The following GTF3C3 variants were observed in gnomAD, a reference collection of about 807,000 sequenced individuals.
GTF3C3 encodes the protein general transcription factor 3C polypeptide 3.
Under a neutral mutation model 105.2 loss-of-function variants are expected in GTF3C3, and 75 were observed. The observed-to-expected ratio is 0.71, with a 90% CI of 0.59 to 0.86. GTF3C3 has a LOEUF of 0.86. Ranked by LOEUF, GTF3C3 falls within the 40% of genes least tolerant of loss-of-function variation. The probability of loss-of-function intolerance (pLI) is 0.00; values close to 1 mark genes in which losing one functional copy is unlikely to be tolerated. For synonymous variants in GTF3C3, 335 were observed against 370.4 expected (o/e 0.90, Z 1.10); for missense variants, 856 against 1,076.5 (o/e 0.80, Z 2.87).
chr2:196,779,216 T>C, intron 9 of GTF3C3, 149 bp from the exon 10 acceptor site: 2 of 633,210 alleles, frequency 3.2e-6, no homozygotes, highest in Non-Finnish European at 5.5e-6. Context: ...CAACCTCTGC[T>C]TGCTGGGTTC....
chr2:196,769,774 T>C (rs1576016693), intron 16 of GTF3C3, 141 bp downstream of exon 16: 2 of 627,196 alleles, frequency 3.2e-6, no homozygotes, highest in Non-Finnish European at 5.5e-6. Flanking sequence ...TGCTGAACAC[T>C]GGGGTAAGTG....
At chr2:196,792,846 A>G in intron 3 of GTF3C3, 110 bp downstream of exon 3, 1 of 696,566 alleles carries the variant, frequency 1.4e-6, no homozygotes, top group Non-Finnish European at 2.5e-6. Flanking sequence ...GTTGTGTCAT[A>G]GTATTTCCTT....
chr2:196,764,540 G>A lies in GTF3C3; in HGVS notation c.*23C>T. 1 of 1,606,650 alleles carries A rather than the reference G, an allele frequency of 6.2e-7. No individual in the cohort carries two copies. Among genetic ancestry groups the A allele is most frequent in the African/African-American group, 1.3e-5 (1 of 74,900 alleles). Reference sequence around the variant, plus strand: ...TGGTCCTCACACAGCAGCTGCCATTGCTCTGTTCTCAGTTGCGGTGCTTTA... The same window carrying A: ...TGGTCCTCACACAGCAGCTGCCATTACTCTGTTCTCAGTTGCGGTGCTTTA... On this transcript the variant is annotated 3_prime_UTR_variant, in exon 18 of 18. Coordinates refer to ENST00000263956, the MANE Select transcript of GTF3C3 (RefSeq NM_012086.5).
At chr2:196,765,893 C>T (rs1699056067) in intron 17 of GTF3C3, among the ~76,000 whole-genome samples, 2 of 151,140 alleles carry the variant, frequency 1.3e-5, no homozygotes, top group African/African-American at 4.9e-5. Flanking sequence ...ACCTGTAGTC[C>T]CAGCTACTCA....
intron 17 of GTF3C3, among the ~76,000 whole-genome samples, chr2:196,765,127 A>AAAAC (rs1699038921): frequency 6.6e-6 from 1 of 152,220 alleles, no homozygotes; most frequent in South Asian, 2.1e-4. Flanking sequence ...AGCCAATGGG[A>AAAAC]AAACAATTCC....
chr2:196,767,537 A>G (rs1559296607), intron 16 of GTF3C3, among the ~76,000 whole-genome samples: 1 of 152,236 alleles, frequency 6.6e-6, no homozygotes, highest in South Asian at 2.1e-4. Context: ...AGTGGTCACA[A>G]ATTTTCCTTT....
intron 2 of GTF3C3, among the ~76,000 whole-genome samples, chr2:196,793,895 A>G (rs1699594754): frequency 6.6e-6 from 1 of 152,206 alleles, no homozygotes; most frequent in South Asian, 2.1e-4. Context: ...TGAAGTGCAG[A>G]AGCCAATTTT....
intron 2 of GTF3C3, among the ~76,000 whole-genome samples, chr2:196,797,205 A>AG (rs1699661935): frequency 6.6e-6 from 1 of 152,236 alleles, no homozygotes; most frequent in Admixed American, 6.5e-5. Flanking sequence ...AAAGGGTATC[A>AG]ATCACTGAAC....
chr2:196,769,972 G>A lies in GTF3C3; in HGVS notation c.2328C>T (p.Thr776=), dbSNP rs1245953889. 7.5e-6 allele frequency: 12 copies of A among 1,603,014 alleles called. No homozygotes were observed. Among genetic ancestry groups the A allele is most frequent in the Non-Finnish European group, 9.4e-6 (11 of 1,174,968 alleles). The change falls in exon 16 of 18, where the codon ACC becomes ACT. Residue 776 remains threonine, a synonymous_variant. Transcript: ENST00000263956. ...ACTTCTGAGATGCCATATGAATAAA[G>A]GTTAGGCCTATACAGAAGCTATAGA... ...EPLYSFCIGL[T]FIHMASQKYV...
intron 9 of GTF3C3, 128 bp from the exon 10 acceptor site, chr2:196,779,195 T>C (rs1175689979): frequency 4.3e-6 from 3 of 694,102 alleles, no homozygotes; most frequent in Admixed American, 2.7e-5. Context: ...TGGCACAATC[T>C]TGGCTCACTG....
At position 196,792,940 on chromosome 2, in the gene GTF3C3, A is replaced by G. The variant is rs777136133; in HGVS notation, c.411+16T>C. On this transcript the variant is annotated intron_variant, in intron 3 of 17. Transcript: ENST00000263956. Reference sequence around the variant, plus strand: ...TTCTTCATTGTTTATAAATACCAAAATAAGTAAAAATTTACTTTCATCATT... The same window carrying G: ...TTCTTCATTGTTTATAAATACCAAAGTAAGTAAAAATTTACTTTCATCATT... 16 of 1,558,732 alleles carry G rather than the reference A, an allele frequency of 1.0e-5. No individual in the cohort carries two copies. In the South Asian group the frequency reaches 1.7e-4, roughly 16 times the overall value.
intron 15 of GTF3C3, 135 bp from the exon 16 acceptor site, chr2:196,770,174 C>T (rs923612508): frequency 4.8e-6 from 3 of 623,764 alleles, no homozygotes; most frequent in African/African-American, 3.8e-5. Context: ...AACCAGAGAC[C>T]TATTAATTTG....
chr2:196,789,854 GAA>G (rs367760289), intron 5 of GTF3C3, 23 bp downstream of exon 5: 693 of 1,044,620 alleles, frequency 6.6e-4, no homozygotes, highest in South Asian at 1.2e-3. Context: ...TTGTAAAAGT[GAA>G]AAAAAAAAAA....
chr2:196,768,617 T>C (rs372190932), intron 16 of GTF3C3, among the ~76,000 whole-genome samples: 3 of 152,124 alleles, frequency 2.0e-5, no homozygotes, highest in South Asian at 4.1e-4. Flanking sequence ...CTATTTACAA[T>C]AAAACCTGCT....
rs749476325 is a variant in GTF3C3, at chr2:196,772,875, CTATTAA to C, written c.2069+35_2069+40del. ...CTAAATCAAAGTACATGTACTTACT[CTATTAA>C]AGAATCTAATTAAAATAAATAACTG... On this transcript the variant is annotated intron_variant, in intron 14 of 17. Coordinates refer to ENST00000263956, the MANE Select transcript of GTF3C3 (RefSeq NM_012086.5). The C allele has an allele frequency of 3.0e-5, 30 of 1,003,962 alleles. No homozygotes were observed. The East Asian group carries it at 7.2e-4, about 24-fold the overall frequency. 62.2% of individuals were successfully genotyped at this position (1,003,962 alleles called of 1,614,324 possible).
chr2:196,789,505 A>AGATT, intron 5 of GTF3C3, 136 bp from the exon 6 acceptor site: 1 of 608,712 alleles, frequency 1.6e-6, no homozygotes, highest in Non-Finnish European at 2.8e-6. Flanking sequence ...GAATAAATCT[A>AGATT]TATTCACAGG....
At chr2:196,785,372 A>G in intron 7 of GTF3C3, 69 bp downstream of exon 7, 3 of 1,323,618 alleles carry the variant, frequency 2.3e-6, no homozygotes, top group Non-Finnish European at 2.1e-6. Flanking sequence ...AGAACTGCCA[A>G]TTTTTAAGAA....
At chr2:196,775,458 A>C (rs1293273467) in intron 12 of GTF3C3, among the ~76,000 whole-genome samples, 1 of 152,218 alleles carries the variant, frequency 6.6e-6, no homozygotes, top group Non-Finnish European at 1.5e-5. Flanking sequence ...TATGGGTCAC[A>C]GGTGCCACAA....
intron 6 of GTF3C3, 116 bp from the exon 7 acceptor site, chr2:196,785,704 G>A: frequency 1.6e-6 from 1 of 645,030 alleles, no homozygotes. Context: ...GAATTTGAGA[G>A]GAATGTGTAT....
Sources: allele counts gnomAD v4.1 joint callset (sites outside exome capture counted in the v4.1 genomes callset), GRCh38; gene constraint gnomAD v4.1.1; transcripts MANE v1.5; gene names NCBI Gene and HGNC (gene_info 2026-07-23, HGNC 2026-07-21).